Variants in PITRM1 observed in about 807,000 individuals in gnomAD.
PITRM1 encodes presequence protease, mitochondrial.
PITRM1 carries 100 observed loss-of-function variants against 129.9 expected under a neutral mutation model. That is an observed-to-expected ratio of 0.77 (90% CI 0.65 to 0.91). The LOEUF (loss-of-function observed/expected upper bound fraction) is 0.91, where lower values mean the gene tolerates loss of function less well. PITRM1 is among the 40% of genes least tolerant of loss of function. The pLI is 0.00. For missense variants in PITRM1, 1,471 were observed against 1,318.3 expected (o/e 1.12, Z -1.79); for synonymous variants, 591 against 508.8 (o/e 1.16, Z -2.17).
chr10:3,152,991 G>A (rs1418744266), intron 14 of PITRM1, among the ~76,000 whole-genome samples: 1 of 152,276 alleles, frequency 6.6e-6, no homozygotes, highest in Non-Finnish European at 1.5e-5. Flanking sequence ...GAAATCGGAA[G>A]ATTCAAGCTT....
intron 14 of PITRM1, among the ~76,000 whole-genome samples, chr10:3,152,363 C>T (rs1253677839): frequency 6.6e-6 from 1 of 152,210 alleles, no homozygotes; most frequent in Non-Finnish European, 1.5e-5. Context: ...CCAGTTCCCA[C>T]TTTAACTCAG....
intron 26 of PITRM1, 40 bp from the exon 27 acceptor site, chr10:3,138,164 T>G (rs1389994980): frequency 1.3e-6 from 2 of 1,572,500 alleles, no homozygotes; most frequent in East Asian, 4.5e-5. Flanking sequence ...GACTGGCTTC[T>G]GCGTGAGCGC....
At position 3,156,951 on chromosome 10, in the gene PITRM1, T is replaced by C. The variant is rs982727950; in HGVS notation, c.1461A>G (p.Glu487=). 104 of 1,582,738 alleles carry C rather than the reference T, an allele frequency of 6.6e-5. No individual in the cohort carries two copies. Among genetic ancestry groups the C allele is most frequent in the Non-Finnish European group, 8.5e-5 (99 of 1,167,624 alleles). ...CLQENPKFLQ[E]KVKQYFKNNQ... ...TTACCTTAAAATACTGTTTTACTTT[T>C]TCTTGCAAAAATTTTGGATTTTCCT... The change falls in exon 13 of 27, where the codon GAA becomes GAG. Residue 487 remains glutamate, a synonymous_variant. Transcript: ENST00000224949.
At chr10:3,162,890 A>C (rs1031288775) in intron 7 of PITRM1, among the ~76,000 whole-genome samples, 33 of 152,292 alleles carry the variant, frequency 2.2e-4, no homozygotes, top group African/African-American at 7.7e-4. Context: ...TTTGGGGCCA[A>C]CTAGAAAATC....
intron 2 of PITRM1, 57 bp from the exon 3 acceptor site, chr10:3,167,099 G>T: frequency 1.0e-6 from 1 of 999,758 alleles, no homozygotes; most frequent in South Asian, 1.4e-5. Context: ...CCTTTGAAAT[G>T]GTTATGTTCG....
rs1842067973 is a variant in PITRM1, at chr10:3,157,428, CACTT to C, written c.1347+3_1347+6del. On this transcript the variant is annotated splice_donor_5th_base_variant and intron_variant, in intron 12 of 26. Coordinates refer to ENST00000224949, the MANE Select transcript of PITRM1 (RefSeq NM_014889.4). ...AACAAAAACAAAATTGTTGAGAGAT[CACTT>C]ACTGATGTCAGCATCAGCCCAAAGC... 6.4e-7 allele frequency: 1 copy of C among 1,555,124 alleles called. No homozygotes were observed. The highest frequency in any genetic ancestry group is 8.8e-7 in the Non-Finnish European group (1 of 1,139,702).
chr10:3,154,899 G>GC (rs1841846320), intron 14 of PITRM1, among the ~76,000 whole-genome samples: 1 of 152,040 alleles, frequency 6.6e-6, no homozygotes, highest in Admixed American at 6.6e-5. Context: ...CACCATCCTG[G>GC]CCTAGGTCGT....
chr10:3,170,361 A>C (rs1843231649), intron 1 of PITRM1, among the ~76,000 whole-genome samples, 155 bp from the exon 2 acceptor site: 1 of 152,206 alleles, frequency 6.6e-6, no homozygotes, highest in East Asian at 1.9e-4. Context: ...CAGAAAACTG[A>C]TTTCTGGTAA....
At chr10:3,160,419 A>G in intron 7 of PITRM1, 89 bp from the exon 8 acceptor site, 1 of 1,080,102 alleles carries the variant, frequency 9.3e-7, no homozygotes, top group Non-Finnish European at 1.4e-6. Flanking sequence ...ACAGCACAGG[A>G]GTGCCCCTTA....
rs1197750885 is a variant in PITRM1, at chr10:3,160,257, G to T, written c.865C>A (p.Gln289Lys). The change falls in exon 8 of 27, where the codon CAG (glutamine) becomes AAG (lysine). Residue 289 changes from glutamine to lysine, a missense_variant. Transcript: ENST00000224949. ...ACCACGGTGCTTGGTTCAATTTTCT[G>T]GAATTTGCTCAGTGCTTCCTCGTGA... ...QIHEEALSKF[Q>K]KIEPSTVVPA... 2.5e-6 allele frequency: 4 copies of T among 1,613,908 alleles called. No homozygotes were observed. Among genetic ancestry groups the T allele is most frequent in the Non-Finnish European group, 3.4e-6 (4 of 1,179,838 alleles).
rs1564406991 is a variant in PITRM1, at chr10:3,151,366, AAAAAAGAAACAAG to A, written c.1622-16_1622-4del. ...TTGTTGACTCCGTAATTCTAGACCT[AAAAAAGAAACAAG>A]AAAAAGGAATATTCAGGGCCATAAT... On this transcript the variant is annotated splice_polypyrimidine_tract_variant and splice_region_variant and intron_variant, in intron 14 of 26. Transcript: ENST00000224949. The A allele has an allele frequency of 8.8e-7, 1 of 1,130,488 alleles. No homozygotes were observed. The highest frequency in any genetic ancestry group is 4.4e-5 in the East Asian group (1 of 22,520). The allele number at this position is 1,130,488 out of a possible 1,614,324, so 70.0% of individuals were successfully genotyped here. A position where few individuals can be genotyped will look rare whatever the true frequency, so the allele number is the denominator to read the frequency against.
chr10:3,163,963 T>C lies in PITRM1; in HGVS notation c.631-78A>G, dbSNP rs111460729. The C allele has an allele frequency of 1.3e-3, 1,223 of 946,360 alleles. 14 individuals are homozygous for C. The African/African-American group carries it at 0.017, about 13-fold the overall frequency. The allele number at this position is 946,360 out of a possible 1,614,324, so 58.6% of individuals were successfully genotyped here. A position where few individuals can be genotyped will look rare whatever the true frequency, so the allele number is the denominator to read the frequency against. On this transcript the variant is annotated intron_variant, in intron 6 of 26. Transcript: ENST00000224949. ...GTTACATTACTTACAATATAGCCAATTGATCACATTCTGGTGCATACACCT... is the reference window on the plus strand; with the variant it reads ...GTTACATTACTTACAATATAGCCAACTGATCACATTCTGGTGCATACACCT...
chr10:3,142,538 G>A (rs1311362926), intron 23 of PITRM1, among the ~76,000 whole-genome samples: 1 of 152,246 alleles, frequency 6.6e-6, no homozygotes, highest in African/African-American at 2.4e-5. Context: ...GTCCCCAAAG[G>A]TGCACGTCTG....
chr10:3,164,980 A>G (rs1252945150), intron 6 of PITRM1, among the ~76,000 whole-genome samples: 1 of 152,220 alleles, frequency 6.6e-6, no homozygotes, highest in Non-Finnish European at 1.5e-5. Context: ...TGGTAGTGGT[A>G]TGAAAATAGC....
chr10:3,145,374 G>C (rs551378161), intron 21 of PITRM1: 1 of 544,484 alleles, frequency 1.8e-6, no homozygotes, highest in African/African-American at 1.9e-5. Flanking sequence ...AGAAGTGAGC[G>C]CGGGATCTAA....
intron 1 of PITRM1, among the ~76,000 whole-genome samples, chr10:3,172,462 G>A (rs985583095): frequency 1.3e-5 from 2 of 152,190 alleles, no homozygotes; most frequent in East Asian, 3.9e-4. Context: ...GGAGGGCCCC[G>A]CCGGGAGCGC....
chr10:3,142,339 C>T (rs752802766), intron 23 of PITRM1, among the ~76,000 whole-genome samples: 3 of 152,256 alleles, frequency 2.0e-5, no homozygotes, highest in East Asian at 1.9e-4. Flanking sequence ...ACGTGCACCT[C>T]GGAGGCCCGG....
chr10:3,140,907 T>C, intron 23 of PITRM1, 95 bp from the exon 24 acceptor site: 1 of 1,129,526 alleles, frequency 8.9e-7, no homozygotes, highest in Admixed American at 2.2e-5. Flanking sequence ...GAAAATCGAG[T>C]TGTAAAATAA....
intron 14 of PITRM1, 106 bp from the exon 15 acceptor site, chr10:3,151,469 C>G: frequency 1.4e-6 from 1 of 722,538 alleles, no homozygotes; most frequent in Non-Finnish European, 2.4e-6. Context: ...GCCGTCCACG[C>G]CAAGTGTGGG....
Sources: allele counts gnomAD v4.1 joint callset (sites outside exome capture counted in the v4.1 genomes callset), GRCh38; gene constraint gnomAD v4.1.1; transcripts MANE v1.5; gene names NCBI Gene and HGNC (gene_info 2026-07-23, HGNC 2026-07-21).